The following EPS8 variants were observed in gnomAD, a reference collection of about 807,000 sequenced individuals.
EPS8 encodes the protein epidermal growth factor receptor kinase substrate 8.
A neutral mutation model predicts 103.8 loss-of-function variants in EPS8; 42 were observed. The ratio of observed to expected loss-of-function variants is 0.40; its 90% CI spans 0.32 to 0.52. The LOEUF (loss-of-function observed/expected upper bound fraction) is 0.52. Among genes scored for constraint, EPS8 ranks in the 20% least tolerant of loss-of-function variants. EPS8 has a pLI of 0.40. For synonymous variants in EPS8, 344 were observed against 344.6 expected (o/e 1.00, Z 0.02); for missense variants, 969 against 1,005.1 (o/e 0.96, Z 0.49).
chr12:15,684,278 T>G lies in EPS8; in HGVS notation c.-21-1306A>C, dbSNP rs928972354. On this transcript the variant is annotated intron_variant, in intron 1 of 20. Coordinates refer to ENST00000281172, the MANE Select transcript of EPS8 (RefSeq NM_004447.6). The surrounding 1 kb of genome is among the most constrained non-coding windows in gnomAD (Gnocchi z 4.9). ...AGATCTCAGTTCAATCACAATGTCC[T>G]CAGGGGAAGATTTTACTGACCGTCC... 2 of 152,194 alleles carry G rather than the reference T, an allele frequency of 1.3e-5. No individual in the cohort carries two copies. Among genetic ancestry groups the G allele is most frequent in the African/African-American group, 4.8e-5 (2 of 41,452 alleles). 9.4% of individuals were successfully genotyped at this position (152,194 alleles called of 1,614,324 possible).
intron 3 of EPS8, among the ~76,000 whole-genome samples, chr12:15,675,709 T>C (rs1373300295): frequency 6.6e-6 from 1 of 152,254 alleles, no homozygotes; most frequent in Non-Finnish European, 1.5e-5. Flanking sequence ...GTGTTGGTAA[T>C]GACAACAAAA....
chr12:15,723,701 TTA>T (rs1374680852), intron 1 of EPS8, among the ~76,000 whole-genome samples: 1 of 152,176 alleles, frequency 6.6e-6, no homozygotes, highest in African/African-American at 2.4e-5. Context: ...CCACATCTGT[TTA>T]TCTTTTTATA....
chr12:15,748,836 A>T lies in EPS8; in HGVS notation c.-22+40325T>A, dbSNP rs1946901595. Reference sequence around the variant, plus strand: ...CCATTGCCTAGCCCCGCCTCACCAAAAAAAGCCTATCTGGTTTCCTAATTT... The same window carrying T: ...CCATTGCCTAGCCCCGCCTCACCAATAAAAGCCTATCTGGTTTCCTAATTT... On this transcript the variant is annotated intron_variant, in intron 1 of 20. Coordinates refer to ENST00000281172, the MANE Select transcript of EPS8 (RefSeq NM_004447.6). This position sits in a 1 kb window ranked among gnomAD's most constrained non-coding sequence, Gnocchi z 4.8. 6.6e-6 allele frequency among the ~76,000 whole-genome samples: 1 copy of T among 152,184 alleles called. No individual in the cohort carries two copies. The highest frequency in any genetic ancestry group is 1.5e-5 in the Non-Finnish European group (1 of 68,026).
At chr12:15,770,169 A>G (rs1947138528) in intron 1 of EPS8, among the ~76,000 whole-genome samples, 1 of 150,350 alleles carries the variant, frequency 6.7e-6, no homozygotes. Flanking sequence ...AAACTCCTGG[A>G]CTCAAGTGAT....
At chr12:15,669,925 G>T in intron 4 of EPS8, 100 bp from the exon 5 acceptor site, 1 of 827,150 alleles carries the variant, frequency 1.2e-6, no homozygotes, top group South Asian at 2.7e-5. Context: ...CCTGAGGTCA[G>T]CTAGCAGAGA....
intron 5 of EPS8, 50 bp downstream of exon 5, chr12:15,669,614 T>G (rs564726578): frequency 9.6e-6 from 15 of 1,554,490 alleles, no homozygotes; most frequent in Non-Finnish European, 1.0e-5. Context: ...TAAACATTAA[T>G]ATTTGTGGAG....
intron 15 of EPS8, 151 bp downstream of exon 15, chr12:15,646,976 G>C: frequency 1.5e-6 from 1 of 681,064 alleles, no homozygotes; most frequent in Non-Finnish European, 2.3e-6. Flanking sequence ...ATCAAAACCA[G>C]TTCTCTAAAG....
intron 1 of EPS8, among the ~76,000 whole-genome samples, chr12:15,768,394 C>T (rs1227902363): frequency 2.3e-5 from 3 of 132,776 alleles, no homozygotes; most frequent in South Asian, 2.5e-4. Flanking sequence ...GCTGAGATTA[C>T]GCCACTGCAC....
chr12:15,782,548 C>T (rs1282326067), intron 1 of EPS8, among the ~76,000 whole-genome samples: 2 of 151,632 alleles, frequency 1.3e-5, no homozygotes, highest in Non-Finnish European at 2.9e-5. Flanking sequence ...AGACAAACCA[C>T]GTAGCCAGGA....
In EPS8 at chr12:15,620,291, A is replaced by C. The variant is rs1944841738; in HGVS notation, c.*1026T>G. The C allele has an allele frequency of 6.5e-6, 1 of 152,678 alleles. No individual in the cohort carries two copies. The highest frequency in any genetic ancestry group is 2.4e-5 in the African/African-American group (1 of 41,476). 9.5% of individuals were successfully genotyped at this position (152,678 alleles called of 1,614,324 possible). On this transcript the variant is annotated 3_prime_UTR_variant, in exon 21 of 21. Transcript: ENST00000281172. ...GTTAAAATATACAACATTCTTACAT[A>C]ACATCTGTTTTATATATGTGAAATA...
At chr12:15,632,011 T>A (rs1400693227) in intron 17 of EPS8, among the ~76,000 whole-genome samples, 3 of 152,176 alleles carry the variant, frequency 2.0e-5, no homozygotes, top group Non-Finnish European at 2.9e-5. Context: ...TTTATGCTAA[T>A]AATAATTTCC....
rs1168525527 is a variant in EPS8, at chr12:15,688,811, C to T, written c.-21-5839G>A. Among the ~76,000 whole-genome samples, 3 of 152,172 alleles carry T rather than the reference C, an allele frequency of 2.0e-5. No homozygotes were observed. The highest frequency in any genetic ancestry group is 2.9e-5 in the Non-Finnish European group (2 of 68,034). On this transcript the variant is annotated intron_variant, in intron 1 of 20. Coordinates refer to ENST00000281172, the MANE Select transcript of EPS8 (RefSeq NM_004447.6). The surrounding 1 kb of genome is among the most constrained non-coding windows in gnomAD (Gnocchi z 5.1). ...CCCCAGGATACAGAAAACCCCCTGT[C>T]CTTGCAATAAGGTAGAGGATCTAAT...
chr12:15,706,842 C>T lies in EPS8; in HGVS notation c.-21-23870G>A, dbSNP rs1232089824. ...TTGTCTATGTGTACAAGTTTTTTTT[C>T]TATTTTACATACTAACTAAATTTAT... On this transcript the variant is annotated intron_variant, in intron 1 of 20. Coordinates refer to ENST00000281172, the MANE Select transcript of EPS8 (RefSeq NM_004447.6). This position sits in a 1 kb window ranked among gnomAD's most constrained non-coding sequence, Gnocchi z 5.2. Among the ~76,000 whole-genome samples, 3 of 151,710 alleles carry T rather than the reference C, an allele frequency of 2.0e-5. No homozygotes were observed. The highest frequency in any genetic ancestry group is 1.3e-4 in the Admixed American group (2 of 15,234).
chr12:15,755,284 T>C (rs1946974820), intron 1 of EPS8, among the ~76,000 whole-genome samples: 1 of 152,214 alleles, frequency 6.6e-6, no homozygotes, highest in Admixed American at 6.5e-5. Flanking sequence ...CTTTGCTTTT[T>C]TCTTGACATG....
chr12:15,650,624 G>C (rs1945395471), intron 14 of EPS8, among the ~76,000 whole-genome samples, 199 bp downstream of exon 14: 1 of 152,054 alleles, frequency 6.6e-6, no homozygotes, highest in Non-Finnish European at 1.5e-5. Flanking sequence ...GTTGGGGTTG[G>C]GCTTCACGGA....
At chr12:15,630,204 TCACA>T (rs58598084) in intron 18 of EPS8, among the ~76,000 whole-genome samples, 4 of 148,904 alleles carry the variant, frequency 2.7e-5, no homozygotes, top group African/African-American at 9.8e-5. Flanking sequence ...TCTCTCTCAC[TCACA>T]CACACACACA....
chr12:15,723,292 C>A (rs897420931), intron 1 of EPS8, among the ~76,000 whole-genome samples: 3 of 152,148 alleles, frequency 2.0e-5, no homozygotes, highest in Non-Finnish European at 4.4e-5. Context: ...GCCTGAGCAA[C>A]AGAGTGAGAC....
At position 15,696,627 on chromosome 12, in the gene EPS8, G is replaced by A. The variant is rs934989691; in HGVS notation, c.-21-13655C>T. Reference sequence around the variant, plus strand: ...TTGAACTCCAGCCTGGCGACAGAGCGAGACTCTGTCTCAAATAAAAAAACA... The same window carrying A: ...TTGAACTCCAGCCTGGCGACAGAGCAAGACTCTGTCTCAAATAAAAAAACA... On this transcript the variant is annotated intron_variant, in intron 1 of 20. Coordinates refer to ENST00000281172, the MANE Select transcript of EPS8 (RefSeq NM_004447.6). The surrounding 1 kb of genome is among the most constrained non-coding windows in gnomAD (Gnocchi z 4.8). Among the ~76,000 whole-genome samples the A allele has an allele frequency of 2.6e-5, 4 of 152,036 alleles. No homozygotes were observed. The highest frequency in any genetic ancestry group is 2.1e-4 in the South Asian group (1 of 4,826).
At chr12:15,640,169 T>C (rs1307140539) in intron 17 of EPS8, among the ~76,000 whole-genome samples, 1 of 152,244 alleles carries the variant, frequency 6.6e-6, no homozygotes, top group African/African-American at 2.4e-5. Flanking sequence ...ATATCCTAAG[T>C]ACCTTTTAAT....
Sources: allele counts gnomAD v4.1 joint callset (sites outside exome capture counted in the v4.1 genomes callset), GRCh38; gene constraint gnomAD v4.1.1; non-coding constraint Gnocchi (gnomAD v3.1); transcripts MANE v1.5; gene names NCBI Gene and HGNC (gene_info 2026-07-23, HGNC 2026-07-21).